DGKH: variants seen among roughly 807,000 people sequenced by gnomAD.
DGKH encodes diacylglycerol kinase eta.
Under a neutral mutation model 159.3 loss-of-function variants are expected in DGKH, and 90 were observed. The observed-to-expected ratio is 0.57, with a 90% CI of 0.48 to 0.67. The LOEUF is 0.67. Among genes scored for constraint, DGKH ranks in the 30% least tolerant of loss-of-function variants. DGKH has a pLI of 0.00. For synonymous variants in DGKH, 536 were observed against 553.8 expected (o/e 0.97, Z 0.45); for missense variants, 1,181 against 1,506.1 (o/e 0.78, Z 3.57).
At chr13:42,146,423 G>A (rs995291763) in intron 3 of DGKH, among the ~76,000 whole-genome samples, 4 of 152,164 alleles carry the variant, frequency 2.6e-5, no homozygotes, top group African/African-American at 4.8e-5. Context: ...ATCAGCAGGC[G>A]TACTGAAGTG....
At chr13:42,127,911 T>A (rs1357828306) in intron 2 of DGKH, among the ~76,000 whole-genome samples, 1 of 152,218 alleles carries the variant, frequency 6.6e-6, no homozygotes, top group Non-Finnish European at 1.5e-5. Context: ...CTTGTAAATC[T>A]TTCCCTGACC....
chr13:42,086,732 A>G (rs1423524076), intron 1 of DGKH, among the ~76,000 whole-genome samples: 2 of 152,146 alleles, frequency 1.3e-5, no homozygotes, highest in Admixed American at 6.5e-5. Context: ...TCACTTAGAG[A>G]AAGAGGGAAA....
intron 1 of DGKH, among the ~76,000 whole-genome samples, chr13:42,087,044 AACACACACACACACACACACAC>A (rs71298957): frequency 1.4e-5 from 2 of 140,088 alleles, no homozygotes; most frequent in Non-Finnish European, 3.0e-5. Flanking sequence ...CCAGAAGGAA[AACACACACACACACACACACAC>A]ACACACACAC....
chr13:42,162,925 A>G (rs574012943), intron 7 of DGKH, among the ~76,000 whole-genome samples: 1 of 151,126 alleles, frequency 6.6e-6, no homozygotes, highest in African/African-American at 2.4e-5. Context: ...GGTTAGTTAC[A>G]TAGGTATACA....
intron 29 of DGKH, among the ~76,000 whole-genome samples, chr13:42,250,296 A>G (rs1276906411): frequency 6.6e-6 from 1 of 151,884 alleles, no homozygotes; most frequent in Non-Finnish European, 1.5e-5. Flanking sequence ...AAAAAAAAAA[A>G]GTTTATAATT....
Position 42,219,233 on chromosome 13 carries a change from C to T in DGKH, c.3217C>T (p.Leu1073=), listed in dbSNP as rs200574834. The T allele has an allele frequency of 6.2e-7, 1 of 1,613,392 alleles. No individual in the cohort carries two copies. The change falls in exon 27 of 30, where the codon CTG becomes TTG. Residue 1073 remains leucine, a synonymous_variant. Transcript: ENST00000337343. ...CTTTTAATCTGCTGGTAAATAGCAG[C>T]TGGAATCGCCACATGAAGAGCGAGT... The part of the protein sequence containing the change: ...SLLVGRVPLQ[L]ESPHEERVSN...
intron 1 of DGKH, among the ~76,000 whole-genome samples, chr13:42,118,185 C>G (rs1942111246): frequency 6.6e-6 from 1 of 152,134 alleles, no homozygotes; most frequent in Non-Finnish European, 1.5e-5. Context: ...CCACTGCACT[C>G]CAGCCTGGGC....
intron 1 of DGKH, among the ~76,000 whole-genome samples, chr13:42,108,849 C>T (rs1278234017): frequency 8.5e-6 from 1 of 117,832 alleles, no homozygotes; most frequent in Non-Finnish European, 1.9e-5. Flanking sequence ...TGCAGTAAGG[C>T]TGAAGGAAAG....
chr13:42,077,206 T>C (rs1443164331), intron 1 of DGKH, among the ~76,000 whole-genome samples: 1 of 152,152 alleles, frequency 6.6e-6, no homozygotes, highest in Non-Finnish European at 1.5e-5. Flanking sequence ...ATAAAAAGAC[T>C]AAAAGCTGCT....
chr13:42,198,429 G>A (rs371116491), intron 17 of DGKH, 49 bp from the exon 18 acceptor site: 9 of 1,538,846 alleles, frequency 5.8e-6, no homozygotes, highest in Non-Finnish European at 7.1e-6. Flanking sequence ...GGTTCTTTCT[G>A]TGTTTTTTCT....
intron 29 of DGKH, among the ~76,000 whole-genome samples, chr13:42,248,219 C>A (rs889722495): frequency 6.6e-6 from 1 of 151,980 alleles, no homozygotes; most frequent in African/African-American, 2.4e-5. Context: ...GCCAGGAGTT[C>A]GAGACCAGCA....
intron 13 of DGKH, among the ~76,000 whole-genome samples, chr13:42,179,371 G>A (rs945624671): frequency 1.3e-5 from 2 of 152,228 alleles, no homozygotes; most frequent in African/African-American, 4.8e-5. Context: ...ACTGTCATCT[G>A]TAACTTTATT....
At chr13:42,144,241 A>C (rs1955658461) in intron 3 of DGKH, among the ~76,000 whole-genome samples, 1 of 152,178 alleles carries the variant, frequency 6.6e-6, no homozygotes, top group Non-Finnish European at 1.5e-5. Context: ...TTAAGAAATA[A>C]GGTATAGTAG....
At chr13:42,251,438 A>C (rs938901372) in intron 29 of DGKH, among the ~76,000 whole-genome samples, 3 of 152,150 alleles carry the variant, frequency 2.0e-5, no homozygotes, top group African/African-American at 7.2e-5. Flanking sequence ...TATTTATTTT[A>C]TATCTATATT....
At chr13:42,060,443 G>A (rs1276925138) in intron 1 of DGKH, among the ~76,000 whole-genome samples, 1 of 152,126 alleles carries the variant, frequency 6.6e-6, no homozygotes, top group Non-Finnish European at 1.5e-5. Flanking sequence ...CCTGTAGGGG[G>A]TCCCCTAGCC....
chr13:42,122,176 A>G (rs1955087403), intron 1 of DGKH, among the ~76,000 whole-genome samples: 3 of 152,220 alleles, frequency 2.0e-5, no homozygotes, highest in African/African-American at 7.2e-5. Flanking sequence ...CAGAAAGAGA[A>G]AGTGGAATGA....
chr13:42,143,930 A>T (rs1243506046), intron 3 of DGKH, among the ~76,000 whole-genome samples: 1 of 151,902 alleles, frequency 6.6e-6, no homozygotes, highest in Non-Finnish European at 1.5e-5. Context: ...GTTATTTCTA[A>T]CATCACAATT....
intron 3 of DGKH, among the ~76,000 whole-genome samples, chr13:42,139,998 A>G (rs901766434): frequency 1.3e-5 from 2 of 152,156 alleles, no homozygotes; most frequent in Non-Finnish European, 2.9e-5. Context: ...CGGAATTACA[A>G]TCTTCTTAGA....
At chr13:42,199,734 T>C in intron 19 of DGKH, 58 bp downstream of exon 19, 2 of 1,557,524 alleles carry the variant, frequency 1.3e-6, no homozygotes, top group Non-Finnish European at 1.7e-6. Context: ...CTTCATTTAT[T>C]ATGTCTTTTT....
Sources: allele counts gnomAD v4.1 joint callset (sites outside exome capture counted in the v4.1 genomes callset), GRCh38; gene constraint gnomAD v4.1.1; transcripts MANE v1.5; gene names NCBI Gene and HGNC (gene_info 2026-07-23, HGNC 2026-07-21).